SUV39H2: variants seen among roughly 807,000 people sequenced by gnomAD.
SUV39H2 encodes SUV39H2 histone lysine methyltransferase.
In SUV39H2, 10 loss-of-function variants were observed where a neutral mutation model predicts 47.5. The observed-to-expected ratio is 0.21, with a 90% confidence interval of 0.13 to 0.36. SUV39H2 has a LOEUF of 0.36. Among genes scored for constraint, SUV39H2 ranks in the 10% least tolerant of loss-of-function variants. SUV39H2 has a pLI of 1.00. For missense variants in SUV39H2, 266 were observed against 487.4 expected, an observed-to-expected ratio of 0.55 and a Z score of 4.28; for synonymous variants, 159 against 166.8, an observed-to-expected ratio of 0.95 and a Z score of 0.36.
intron 5 of SUV39H2, among the ~76,000 whole-genome samples, chr10:14,901,809 G>A (rs149009549): frequency 3.0e-3 from 448 of 151,588 alleles, no homozygotes; most frequent in African/African-American, 0.011. Flanking sequence ...CTCCAGCCTG[G>A]ACGACAGAGA....
intron 1 of SUV39H2, among the ~76,000 whole-genome samples, chr10:14,880,300 G>A (rs1833005128): frequency 6.6e-6 from 1 of 152,204 alleles, no homozygotes; most frequent in South Asian, 2.1e-4. Flanking sequence ...AAGTTTCTGT[G>A]TGAGGTGGGG....
intron 2 of SUV39H2, among the ~76,000 whole-genome samples, chr10:14,882,952 C>T (rs1483682609): frequency 6.6e-6 from 1 of 151,926 alleles, no homozygotes; most frequent in Non-Finnish European, 1.5e-5. Flanking sequence ...ACTGCAACCT[C>T]CACCTCCTGG....
At position 14,896,826 on chromosome 10, in the gene SUV39H2, A is replaced by G; in HGVS notation, c.178-20A>G. The G allele has an allele frequency of 1.3e-6, 2 of 1,524,600 alleles. No homozygotes were observed. Among genetic ancestry groups the G allele is most frequent in the Non-Finnish European group, 1.8e-6 (2 of 1,135,174 alleles). The allele number at this position is 1,524,600 out of a possible 1,614,324, so 94.4% of individuals were successfully genotyped here. ...GAAATAGCCGTCTGATTTGCATTTTATTTTCTTTTGTATTTTAAGGATATG... is the reference window on the plus strand; with the variant it reads ...GAAATAGCCGTCTGATTTGCATTTTGTTTTCTTTTGTATTTTAAGGATATG... On this transcript the variant is annotated intron_variant, in intron 2 of 5. Coordinates refer to ENST00000354919, the MANE Select transcript of SUV39H2 (RefSeq NM_001193424.2).
At chr10:14,883,237 A>G (rs1055498345) in intron 2 of SUV39H2, among the ~76,000 whole-genome samples, 7 of 152,184 alleles carry the variant, frequency 4.6e-5, no homozygotes, top group Non-Finnish European at 1.0e-4. Context: ...CTCAGTCAGT[A>G]AACACATTCA....
intron 2 of SUV39H2, among the ~76,000 whole-genome samples, chr10:14,883,127 A>G (rs1010359543): frequency 3.3e-5 from 5 of 151,986 alleles, no homozygotes; most frequent in African/African-American, 9.7e-5. Context: ...TTGGCCTCCC[A>G]AAGTGCTGGG....
intron 2 of SUV39H2, among the ~76,000 whole-genome samples, chr10:14,885,865 A>G (rs932993895): frequency 6.6e-6 from 1 of 152,202 alleles, no homozygotes; most frequent in Non-Finnish European, 1.5e-5. Flanking sequence ...TCTCAATACC[A>G]TAGTCTACCG....
chr10:14,895,935 T>G (rs142780502), intron 2 of SUV39H2, among the ~76,000 whole-genome samples: 2,519 of 152,002 alleles, frequency 0.017, 36 homozygotes, highest in African/African-American at 0.032. Context: ...TTGCTTTTTT[T>G]TTTGTTTGTT....
chr10:14,891,809 G>C (rs1031923031), intron 2 of SUV39H2, among the ~76,000 whole-genome samples: 2 of 152,192 alleles, frequency 1.3e-5, no homozygotes, highest in Admixed American at 6.5e-5. Context: ...CCATCCGGTA[G>C]GCTATTGGAT....
intron 2 of SUV39H2, among the ~76,000 whole-genome samples, chr10:14,887,406 T>A (rs1833247478): frequency 6.6e-6 from 1 of 152,156 alleles, no homozygotes; most frequent in Non-Finnish European, 1.5e-5. Flanking sequence ...GAGTAGGAAC[T>A]AGATTGGGTT....
At chr10:14,884,526 G>T (rs59974558) in intron 2 of SUV39H2, among the ~76,000 whole-genome samples, 26,115 of 152,054 alleles carry the variant, frequency 0.17, 2,787 homozygotes, top group African/African-American at 0.29. Context: ...TTTATTCTTG[G>T]AATCATACTT....
Position 14,899,234 on chromosome 10 carries a change from C to T in SUV39H2, c.850-305C>T, listed in dbSNP as rs60006238. 66,383 of 701,600 alleles carry T rather than the reference C, an allele frequency of 0.095. 4,107 individuals are homozygous for T. The highest frequency in any genetic ancestry group is 0.21 in the South Asian group (14,233 of 67,440). 43.5% of individuals were successfully genotyped at this position (701,600 alleles called of 1,614,324 possible). A position where few individuals can be genotyped will look rare whatever the true frequency, so the allele number is the denominator to read the frequency against. On this transcript the variant is annotated intron_variant, in intron 3 of 5. Transcript: ENST00000354919. ...AGTCAGGAGGCTGAGGCAGGAAGAT[C>T]GCTTGATCCCAGGAGTTAAAGGATA...
chr10:14,901,839 CTATAA>C (rs1834045189), intron 5 of SUV39H2, among the ~76,000 whole-genome samples: 1 of 151,838 alleles, frequency 6.6e-6, no homozygotes, highest in Admixed American at 6.6e-5. Context: ...AAAAAAAAAA[CTATAA>C]GCCTACATTT....
intron 4 of SUV39H2, among the ~76,000 whole-genome samples, chr10:14,900,183 TCCTTA>T (rs1471824180): frequency 1.3e-5 from 2 of 152,234 alleles, no homozygotes; most frequent in Non-Finnish European, 2.9e-5. Flanking sequence ...TTAGTATTCT[TCCTTA>T]CCTTTTAATG....
At position 14,884,400 on chromosome 10, in the gene SUV39H2, A is replaced by G. The variant is rs552326605; in HGVS notation, c.177+2755A>G. Reference sequence around the variant, plus strand: ...GAAGTGGCATCTCATTGTGGTTTTGATTTGTATTTTTCTGACTAATGATAC... The same window carrying G: ...GAAGTGGCATCTCATTGTGGTTTTGGTTTGTATTTTTCTGACTAATGATAC... On this transcript the variant is annotated intron_variant, in intron 2 of 5. Transcript: ENST00000354919. 4.6e-5 allele frequency among the ~76,000 whole-genome samples: 7 copies of G among 152,114 alleles called. No homozygotes were observed. The South Asian group carries it at 1.2e-3, about 27-fold the overall frequency.
At chr10:14,894,717 A>G (rs1833509993) in intron 2 of SUV39H2, among the ~76,000 whole-genome samples, 1 of 152,188 alleles carries the variant, frequency 6.6e-6, no homozygotes, top group African/African-American at 2.4e-5. Context: ...GAATATAATG[A>G]AACAAAATAT....
chr10:14,897,998 A>G (rs1397124848), intron 3 of SUV39H2: 2 of 151,958 alleles, frequency 1.3e-5, no homozygotes, highest in Admixed American at 6.6e-5. Flanking sequence ...TATTGCATCC[A>G]TAATCTGTAA....
chr10:14,899,553 A>G lies in SUV39H2; in HGVS notation c.864A>G (p.Glu288=). The G allele has an allele frequency of 6.2e-7, 1 of 1,613,970 alleles. No individual in the cohort carries two copies. Among genetic ancestry groups the G allele is most frequent in the Non-Finnish European group, 8.5e-7 (1 of 1,179,978 alleles). ...MEYVGEVITS[E]EAERRGQFYD... is the part of the protein sequence containing the mutation. Reference sequence around the variant, plus strand: ...TTTCTGTTTAGGTAATCACAAGTGAAGAAGCTGAAAGACGAGGACAGTTCT... The same window carrying G: ...TTTCTGTTTAGGTAATCACAAGTGAGGAAGCTGAAAGACGAGGACAGTTCT... The change falls in exon 4 of 6, where the codon GAA becomes GAG. Residue 288 remains glutamate (E), a synonymous_variant. Coordinates refer to ENST00000354919, the MANE Select transcript of SUV39H2 (RefSeq NM_001193424.2).
rs958053993 is a variant in SUV39H2, at chr10:14,902,590, C to A, written c.*78C>A. On this transcript the variant is annotated 3_prime_UTR_variant, in exon 6 of 6. Transcript: ENST00000354919. ...CATTTTTAAAAATACATATTTGGGA[C>A]TCTTATTATCAAGGTTCTACCTATG... 3.4e-6 allele frequency: 3 copies of A among 876,072 alleles called. No individual in the cohort carries two copies. Among genetic ancestry groups the A allele is most frequent in the African/African-American group, 3.4e-5 (2 of 58,286 alleles). The allele number at this position is 876,072 out of a possible 1,614,324, so 54.3% of individuals were successfully genotyped here.
intron 5 of SUV39H2, 74 bp from the exon 6 acceptor site, chr10:14,902,332 T>C (rs1005622588): frequency 9.8e-7 from 1 of 1,017,834 alleles, no homozygotes; most frequent in Non-Finnish European, 1.4e-6. Context: ...AAAGCTAATA[T>C]AATAGAAAAT....
Sources: gnomAD v4.1 joint callset for allele counts (sites outside exome capture counted in the v4.1 genomes callset) on GRCh38, gnomAD v4.1.1 for gene constraint, MANE v1.5 for transcripts, NCBI Gene and HGNC (gene_info 2026-07-23, HGNC 2026-07-21) for gene names.